Variants in NOS3 observed in about 807,000 individuals in gnomAD.
NOS3 encodes nitric oxide synthase 3.
In NOS3, 98 loss-of-function variants were observed where a neutral mutation model predicts 144.9. The observed-to-expected ratio is 0.68, with a 90% CI of 0.57 to 0.80. The LOEUF is 0.80. NOS3 is among the 30% of genes least tolerant of loss of function. NOS3 has a pLI of 0.00. For missense variants in NOS3, 1,465 were observed against 1,656.4 expected (o/e 0.88, Z 2.01); for synonymous variants, 714 against 702.4 (o/e 1.02, Z -0.26).
chr7:150,993,504 C>T lies in NOS3; in HGVS notation c.-51-249C>T, dbSNP rs974190956. Among the ~76,000 whole-genome samples the T allele has an allele frequency of 2.5e-4, 38 of 152,308 alleles. 1 individual carries two copies. Among genetic ancestry groups the T allele is most frequent in the African/African-American group, 7.7e-4 (32 of 41,570 alleles). On this transcript the variant is annotated intron_variant, in intron 1 of 26. Coordinates refer to ENST00000297494, the MANE Select transcript of NOS3 (RefSeq NM_000603.5). The surrounding 1 kb of genome is among the most constrained non-coding windows in gnomAD (Gnocchi z 4.0). ...ACCCTGCCACTCCCCAATGCCCCAGCCCCCATGCTGCAGCCCCAGGGCTCT... is the reference window on the plus strand; with the variant it reads ...ACCCTGCCACTCCCCAATGCCCCAGTCCCCATGCTGCAGCCCCAGGGCTCT...
Position 151,006,894 on chromosome 7 carries a change from A to G in NOS3, c.1826A>G (p.Tyr609Cys). Residue 609 changes from tyrosine to cysteine, a missense_variant, in exon 16 of 27, where the codon TAT (tyrosine) becomes TGT (cysteine). This residue lies in a region of NOS3 where 745 missense variants were observed against 853.9 expected (regional missense o/e 0.87). Coordinates refer to ENST00000297494, the MANE Select transcript of NOS3 (RefSeq NM_000603.5). ...SSPRPEQHKS[Y>C]KIRFNSISCS... Reference sequence around the variant, plus strand: ...TCTTTGTCCTCTCTTGCCAGGAGTTATAAGATCCGCTTCAACAGCATCTCC... The same window carrying G: ...TCTTTGTCCTCTCTTGCCAGGAGTTGTAAGATCCGCTTCAACAGCATCTCC... 6.2e-7 allele frequency: 1 copy of G among 1,613,280 alleles called. No individual in the cohort carries two copies. The highest frequency in any genetic ancestry group is 8.5e-7 in the Non-Finnish European group (1 of 1,179,402).
In NOS3 at chr7:151,014,412, A is replaced by G; in HGVS notation, c.*243A>G. ...AGGCCCCTCCCAGCAGCGGTACCCC[A>G]GGGCCTACTGCCACCCGCTTCCTGT... On this transcript the variant is annotated 3_prime_UTR_variant, in exon 27 of 27. Transcript: ENST00000297494. The G allele has an allele frequency of 2.0e-6, 1 of 494,236 alleles. No individual in the cohort carries two copies. Among genetic ancestry groups the G allele is most frequent in the South Asian group, 3.5e-5 (1 of 28,190 alleles). 30.6% of individuals were successfully genotyped at this position (494,236 alleles called of 1,614,324 possible).
chr7:151,009,447 C>T lies in NOS3; in HGVS notation c.2374C>T (p.Gln792Ter). Residue 792 changes from glutamine (Q) to a stop codon, truncating the protein, a stop_gained, in exon 20 of 27, where the codon CAG (glutamine) becomes TAG (stop). Transcript: ENST00000297494. LOFTEE classifies it high-confidence loss of function. ...GGACACCGGAGGCCAGGAGGGGCTG[C>T]AGTACCAGCCGGGGGACCACATAGG... ...RLDTGGQEGL[Q>*]YQPGDHIGVC... The T allele has an allele frequency of 1.9e-6, 3 of 1,547,696 alleles. No homozygotes were observed. Among genetic ancestry groups the T allele is most frequent in the Non-Finnish European group, 2.6e-6 (3 of 1,145,878 alleles).
intron 2 of NOS3, 124 bp from the exon 3 acceptor site, chr7:150,995,079 C>A: frequency 3.4e-6 from 2 of 589,998 alleles, no homozygotes; most frequent in Non-Finnish European, 6.2e-6. Context: ...TGGGGAACGC[C>A]AGAAGGCATG....
Position 151,002,291 on chromosome 7 carries a change from C to T in NOS3, c.1739C>T (p.Pro580Leu), listed in dbSNP as rs774755572. The change falls in exon 14 of 27, where the codon CCG becomes CTG. Residue 580 changes from proline (P) to leucine (L), a missense_variant. Coordinates refer to ENST00000297494, the MANE Select transcript of NOS3 (RefSeq NM_000603.5). This position sits in a 1 kb window ranked among gnomAD's most constrained non-coding sequence, Gnocchi z 4.1. ...AGCACATTTGGGAATGGGGATCCCC[C>T]GGAGAATGGAGAGGTGAGAACTTCC... ...VTSTFGNGDPPENGESFAAAL... is the reference protein window; with the variant it reads ...VTSTFGNGDPLENGESFAAAL... 9.5e-6 allele frequency: 15 copies of T among 1,586,312 alleles called. No homozygotes were observed. The highest frequency in any genetic ancestry group is 1.1e-5 in the Non-Finnish European group (13 of 1,163,776).
intron 24 of NOS3, 85 bp downstream of exon 24, chr7:151,012,557 AAG>A (rs1795329300): frequency 2.7e-6 from 4 of 1,477,094 alleles, no homozygotes; most frequent in East Asian, 2.3e-5. Flanking sequence ...GGAAATAGGA[AAG>A]AGAGGGCAGG....
intron 21 of NOS3, 43 bp from the exon 22 acceptor site, chr7:151,010,554 A>G (rs1190549981): frequency 1.3e-6 from 2 of 1,493,154 alleles, no homozygotes; most frequent in Admixed American, 4.2e-5. Context: ...GGTTACTAGG[A>G]AGGGCTATGG....
chr7:150,998,813 G>T lies in NOS3; in HGVS notation c.816+133G>T. 1 of 1,449,026 alleles carries T rather than the reference G, an allele frequency of 6.9e-7. No homozygotes were observed. The highest frequency in any genetic ancestry group is 1.3e-5 in the South Asian group (1 of 76,674). The allele number at this position is 1,449,026 out of a possible 1,614,324, so 89.8% of individuals were successfully genotyped here. The stretch of plus-strand genomic sequence containing the variant: ...TAAAGGATGAAAAACACCAAAGGAG[G>T]GGTGCCTGGGTGGTCACGGAGACCC... On this transcript the variant is annotated intron_variant, in intron 7 of 26. Coordinates refer to ENST00000297494, the MANE Select transcript of NOS3 (RefSeq NM_000603.5). This position sits in a 1 kb window ranked among gnomAD's most constrained non-coding sequence, Gnocchi z 5.0.
chr7:151,001,912 C>T lies in NOS3; in HGVS notation c.1594C>T (p.Gln532Ter), dbSNP rs772199658. 2.5e-6 allele frequency: 4 copies of T among 1,613,618 alleles called. No individual in the cohort carries two copies. Among genetic ancestry groups the T allele is most frequent in the Non-Finnish European group, 3.4e-6 (4 of 1,180,024 alleles). ...ILYGSETGRA[Q>*]SYAQQLGRLF... The stretch of plus-strand genomic sequence containing the variant: ...GTATGGCTCCGAGACCGGCCGGGCC[C>T]AGAGCTACGCACAGCAGCTGGGGAG... Residue 532 changes from glutamine (Q) to a stop codon, truncating the protein, a stop_gained, in exon 13 of 27, where the codon CAG (glutamine) becomes TAG (stop). Coordinates refer to ENST00000297494, the MANE Select transcript of NOS3 (RefSeq NM_000603.5). LOFTEE classifies it high-confidence loss of function.
chr7:151,005,621 T>C (rs1238825888), intron 14 of NOS3, among the ~76,000 whole-genome samples: 1 of 152,156 alleles, frequency 6.6e-6, no homozygotes, highest in African/African-American at 2.4e-5. Context: ...CAAGTGGGGA[T>C]TCAGCAACTC....
chr7:151,007,901 T>C (rs948486520), intron 17 of NOS3, among the ~76,000 whole-genome samples: 2 of 152,066 alleles, frequency 1.3e-5, no homozygotes, highest in African/African-American at 4.8e-5. Context: ...TTCAGGGCAG[T>C]GCTGCTGTCC....
At chr7:151,008,258 T>C (rs938178174) in intron 17 of NOS3, among the ~76,000 whole-genome samples, 3 of 151,912 alleles carry the variant, frequency 2.0e-5, no homozygotes, top group African/African-American at 7.3e-5. Context: ...GGAAGAGATA[T>C]AAGACTTCAC....
In NOS3 at chr7:150,995,022, C is replaced by A. The variant is rs145601974; in HGVS notation, c.159-181C>A. On this transcript the variant is annotated intron_variant, in intron 2 of 26. Coordinates refer to ENST00000297494, the MANE Select transcript of NOS3 (RefSeq NM_000603.5). ...CACCAGCAGCCCCTGCAGCCCAGGA[C>A]CCTGGTCTATAAACGGAGGCACAGC... Among the ~76,000 whole-genome samples, 458 of 152,274 alleles carry A rather than the reference C, an allele frequency of 3.0e-3. 3 individuals are homozygous for A. Among genetic ancestry groups the A allele is most frequent in the African/African-American group, 0.01 (430 of 41,542 alleles).
Position 150,998,908 on chromosome 7 carries a change from G to C in NOS3, c.817-38G>C. ...GAGGGGTCCCTGAGGAGGGCATGAG[G>C]CTCAGCCCCAGAACCCCCTCTGGCC... On this transcript the variant is annotated intron_variant, in intron 7 of 26. Transcript: ENST00000297494. The surrounding 1 kb of genome is among the most constrained non-coding windows in gnomAD (Gnocchi z 5.0). The C allele has an allele frequency of 6.3e-7, 1 of 1,590,842 alleles. No individual in the cohort carries two copies. The highest frequency in any genetic ancestry group is 8.5e-7 in the Non-Finnish European group (1 of 1,169,790).
At chr7:151,010,370 A>G in intron 21 of NOS3, 83 bp downstream of exon 21, 1 of 1,357,196 alleles carries the variant, frequency 7.4e-7, no homozygotes, top group Non-Finnish European at 1.0e-6. Flanking sequence ...ACCCCCATGC[A>G]AAGTCCCCCC....
Position 150,998,715 on chromosome 7 carries a change from A to G in NOS3, c.816+35A>G, listed in dbSNP as rs554674844. On this transcript the variant is annotated intron_variant, in intron 7 of 26. Coordinates refer to ENST00000297494, the MANE Select transcript of NOS3 (RefSeq NM_000603.5). The surrounding 1 kb of genome is among the most constrained non-coding windows in gnomAD (Gnocchi z 5.0). ...GAGGGCCACCCATGAGGGTGTCCCC[A>G]AGGTGGAGAATGAGGAAACCAGTGG... 3.2e-6 allele frequency: 5 copies of G among 1,582,778 alleles called. No homozygotes were observed. In the African/African-American group the frequency reaches 5.4e-5, roughly 17 times the overall value.
At chr7:151,011,105 G>C (rs1451130007) in intron 23 of NOS3, 119 bp downstream of exon 23, 1 of 700,632 alleles carries the variant, frequency 1.4e-6, no homozygotes, top group East Asian at 2.7e-5. Context: ...AACATGTCAA[G>C]GGTGTGGTGT....
Position 150,995,277 on chromosome 7 carries a change from G to A in NOS3, c.233G>A (p.Ser78Asn), listed in dbSNP as rs1460122551. ...CGTGTGAAGAACTGGGAGGTGGGGA[G>A]CATCACCTATGACACCCTCAGCGCC... ...FPRVKNWEVG[S>N]ITYDTLSAQA... Residue 78 changes from serine (S) to asparagine (N), a missense_variant, in exon 3 of 27, where the codon AGC (serine) becomes AAC (asparagine). By Grantham distance (46) the Ser-to-Asn change is conservative (BLOSUM62 1). Coordinates refer to ENST00000297494, the MANE Select transcript of NOS3 (RefSeq NM_000603.5). The A allele has an allele frequency of 3.7e-6, 6 of 1,611,498 alleles. No homozygotes were observed. The Admixed American group carries it at 6.7e-5, about 18-fold the overall frequency.
chr7:150,996,636 C>T, intron 4 of NOS3, 84 bp downstream of exon 4: 3 of 1,502,162 alleles, frequency 2.0e-6, no homozygotes, highest in African/African-American at 1.4e-5. Flanking sequence ...GACCCCCTCC[C>T]TTCCCAGATC....
Sources: allele counts gnomAD v4.1 joint callset (sites outside exome capture counted in the v4.1 genomes callset), GRCh38; gene constraint gnomAD v4.1.1; regional missense constraint gnomAD v4.1.1; non-coding constraint Gnocchi (gnomAD v3.1); transcripts MANE v1.5; gene names NCBI Gene and HGNC (gene_info 2026-07-23, HGNC 2026-07-21).